Variants in SSC5D observed in about 807,000 individuals in gnomAD.
SSC5D encodes scavenger receptor cysteine rich family member with 5 domains.
A neutral mutation model predicts 104.6 loss-of-function variants in SSC5D; 106 were observed. The observed-to-expected ratio is 1.01, with a 90% CI of 0.87 to 1.19. The LOEUF is 1.19. Among genes scored for constraint, SSC5D ranks in the 50% most tolerant of loss-of-function variants. The probability of loss-of-function intolerance (pLI) is 0.00; values close to 1 mark genes in which losing one functional copy is unlikely to be tolerated. For missense variants in SSC5D, 1,993 were observed against 2,153.8 expected, an observed-to-expected ratio of 0.93 and a Z score of 1.48; for synonymous variants, 860 against 883.5, an observed-to-expected ratio of 0.97 and a Z score of 0.47.
At chr19:55,489,760 T>G in intron 3 of SSC5D, 98 bp downstream of exon 3, 1 of 1,498,366 alleles carries the variant, frequency 6.7e-7, no homozygotes, top group Non-Finnish European at 9.0e-7. Flanking sequence ...GTTCAGCAGT[T>G]CAGAGACACC....
chr19:55,515,734 A>AG (rs536589792), intron 13 of SSC5D, among the ~76,000 whole-genome samples: 1 of 149,056 alleles, frequency 6.7e-6, no homozygotes, highest in Non-Finnish European at 1.5e-5. Flanking sequence ...TCCGTCTCAA[A>AG]AAAAAAAATA....
intron 12 of SSC5D, among the ~76,000 whole-genome samples, chr19:55,510,020 CAG>C (rs1036344939): frequency 2.4e-4 from 36 of 151,322 alleles, no homozygotes; most frequent in African/African-American, 8.7e-4. Flanking sequence ...TTTTTTGTGA[CAG>C]GGTCTTGCTC....
intron 1 of SSC5D, 28 bp downstream of exon 1, chr19:55,488,642 CG>C (rs1173726993): frequency 8.5e-5 from 132 of 1,546,624 alleles, no homozygotes; most frequent in Non-Finnish European, 1.1e-4. Context: ...CTTGGGGACT[CG>C]GGGGGCCTAG....
rs556731677 is a variant in SSC5D, at chr19:55,513,354, C to T, written c.2947+182C>T. On this transcript the variant is annotated intron_variant, in intron 13 of 13. Coordinates refer to ENST00000389623, the MANE Select transcript of SSC5D (RefSeq NM_001144950.2). ...CTGTAATCACAGCACTTTGGGAGGC[C>T]GAGTTGGGAGGATTGCTTAAGCTCG... Among the ~76,000 whole-genome samples, 80 of 152,188 alleles carry T rather than the reference C, an allele frequency of 5.3e-4. 1 individual carries two copies. Among genetic ancestry groups the T allele is most frequent in the African/African-American group, 1.8e-3 (76 of 41,500 alleles).
Position 55,503,134 on chromosome 19 carries a change from TCTCA to T in SSC5D, c.2785+1936_2785+1939del, listed in dbSNP as rs966204764. Among the ~76,000 whole-genome samples the T allele has an allele frequency of 9.2e-5, 14 of 151,962 alleles. No individual in the cohort carries two copies. The highest frequency in any genetic ancestry group is 3.4e-4 in the African/African-American group (14 of 41,352). On this transcript the variant is annotated intron_variant, in intron 12 of 13. Transcript: ENST00000389623. This position sits in a 1 kb window ranked among gnomAD's most constrained non-coding sequence, Gnocchi z 4.0. Reference sequence around the variant, plus strand: ...GGCCTGATTTTTTGTCGAGATGGGTTCTCACTATGTTGCCCAGGCTGGTCTCAAA... The same window carrying T: ...GGCCTGATTTTTTGTCGAGATGGGTTCTATGTTGCCCAGGCTGGTCTCAAA...
At position 55,489,048 on chromosome 19, in the gene SSC5D, C is replaced by T. The variant is rs1456602466; in HGVS notation, c.52+16C>T. 1.4e-6 allele frequency: 2 copies of T among 1,426,838 alleles called. No homozygotes were observed. Among genetic ancestry groups the T allele is most frequent in the East Asian group, 2.9e-5 (1 of 34,194 alleles). The allele number at this position is 1,426,838 out of a possible 1,614,324, so 88.4% of individuals were successfully genotyped here. A position where few individuals can be genotyped will look rare whatever the true frequency, so the allele number is the denominator to read the frequency against. ...CAGGCTGTTGGTAAGTGCCCAGACTCCTCCCATCTGCCCGCCCCCCCCCCC... is the reference window on the plus strand; with the variant it reads ...CAGGCTGTTGGTAAGTGCCCAGACTTCTCCCATCTGCCCGCCCCCCCCCCC... On this transcript the variant is annotated intron_variant, in intron 2 of 13. Transcript: ENST00000389623.
In SSC5D at chr19:55,503,726, TC is replaced by T. The variant is rs1263883478; in HGVS notation, c.2785+2526del. 2.6e-5 allele frequency among the ~76,000 whole-genome samples: 4 copies of T among 152,190 alleles called. No homozygotes were observed. Among genetic ancestry groups the T allele is most frequent in the Admixed American group, 1.3e-4 (2 of 15,298 alleles). On this transcript the variant is annotated intron_variant, in intron 12 of 13. Coordinates refer to ENST00000389623, the MANE Select transcript of SSC5D (RefSeq NM_001144950.2). This position sits in a 1 kb window ranked among gnomAD's most constrained non-coding sequence, Gnocchi z 4.0. ...GTCTGGGGCTGCCTGGGTTTCTGCC[TC>T]TGTCGCCCCGCGCCCCGTACCTGTG...
chr19:55,489,341 C>T lies in SSC5D; in HGVS notation c.53-13C>T, dbSNP rs1987057988. Reference sequence around the variant, plus strand: ...TGCCCCTCCCCAGTCACAGCCATTCCTCCAACCCTCAGAGCGCCTGCGCCT... The same window carrying T: ...TGCCCCTCCCCAGTCACAGCCATTCTTCCAACCCTCAGAGCGCCTGCGCCT... On this transcript the variant is annotated splice_polypyrimidine_tract_variant and intron_variant, in intron 2 of 13. Transcript: ENST00000389623. The T allele has an allele frequency of 4.2e-6, 6 of 1,436,464 alleles. No homozygotes were observed. Among genetic ancestry groups the T allele is most frequent in the African/African-American group, 3.0e-5 (2 of 66,548 alleles). The allele number at this position is 1,436,464 out of a possible 1,614,324, so 89.0% of individuals were successfully genotyped here.
rs57160613 is a variant in SSC5D, at chr19:55,516,898, GC to G, written c.2948-321del. On this transcript the variant is annotated intron_variant, in intron 13 of 13. Transcript: ENST00000389623. The stretch of plus-strand genomic sequence containing the variant: ...ATGCTGCACGCTTCTGAGCACTCCC[GC>G]CCCCTCCCGCACCCCAGCACCCCAC... 1.1e-3 allele frequency among the ~76,000 whole-genome samples: 160 copies of G among 145,594 alleles called. 1 individual carries two copies. The highest frequency in any genetic ancestry group is 3.9e-3 in the African/African-American group (152 of 39,256).
intron 6 of SSC5D, among the ~76,000 whole-genome samples, chr19:55,493,026 T>TC (rs1472414710): frequency 6.6e-6 from 1 of 151,624 alleles, no homozygotes; most frequent in Non-Finnish European, 1.5e-5. Context: ...TGAGATCCCC[T>TC]CCCCCCAAAA....
Position 55,517,672 on chromosome 19 carries a change from C to T in SSC5D, c.3396C>T (p.Tyr1132=), listed in dbSNP as rs1167809925. The change falls in exon 14 of 14, where the codon TAC becomes TAT. Residue 1132 remains tyrosine (Y), a synonymous_variant. Coordinates refer to ENST00000389623, the MANE Select transcript of SSC5D (RefSeq NM_001144950.2). The part of the protein sequence containing the change: ...DTTPDLDTTP[Y]SSTVSEYSRS... ...CCCCAGATTTGGACACAACTCCATA[C>T]TCCAGTACAGTCTCAGAATATTCTA... 3.9e-6 allele frequency: 6 copies of T among 1,551,672 alleles called. No individual in the cohort carries two copies. The highest frequency in any genetic ancestry group is 2.0e-5 in the Admixed American group (1 of 50,942).
intron 12 of SSC5D, among the ~76,000 whole-genome samples, 172 bp from the exon 13 acceptor site, chr19:55,512,839 A>G (rs1284555790): frequency 1.3e-5 from 2 of 152,162 alleles, no homozygotes; most frequent in Non-Finnish European, 2.9e-5. Flanking sequence ...TTGGTAGCCA[A>G]AAACATCCCA....
chr19:55,517,538 C>T lies in SSC5D; in HGVS notation c.3262C>T (p.Pro1088Ser). The T allele has an allele frequency of 6.4e-7, 1 of 1,551,582 alleles. No individual in the cohort carries two copies. The highest frequency in any genetic ancestry group is 8.7e-7 in the Non-Finnish European group (1 of 1,147,024). Residue 1088 changes from proline (P) to serine (S), a missense_variant, in exon 14 of 14, where the codon CCC (proline) becomes TCC (serine). Pro to Ser is a moderately conservative substitution (Grantham distance 74). Around this residue, in one of 6 missense-constraint regions of SSC5D, gnomAD observed 423 missense variants for 409.2 expected, o/e 1.03. Transcript: ENST00000389623. The part of the protein sequence containing the change: ...VVPALTPEPS[P>S]TPLPTLPKEL... ...TCCCGCGTTGACCCCGGAGCCCTCA[C>T]CCACGCCCTTACCCACCTTGCCCAA...
chr19:55,502,628 T>C (rs1452545341), intron 12 of SSC5D, among the ~76,000 whole-genome samples: 1 of 152,134 alleles, frequency 6.6e-6, no homozygotes, highest in East Asian at 1.9e-4. Flanking sequence ...TCACCACCTC[T>C]GTTTCTCACT....
At position 55,501,022 on chromosome 19, in the gene SSC5D, A is replaced by G. The variant is rs1268414541; in HGVS notation, c.2618-12A>G. ...GAGGATGGGGTCAACCATTACCCCA[A>G]TTTCTCCAAAGGCTACACAGACTAT... On this transcript the variant is annotated splice_polypyrimidine_tract_variant and intron_variant, in intron 11 of 13. Transcript: ENST00000389623. 2.3e-5 allele frequency: 36 copies of G among 1,551,584 alleles called. No individual in the cohort carries two copies. The highest frequency in any genetic ancestry group is 2.9e-5 in the Non-Finnish European group (33 of 1,146,964).
At position 55,489,799 on chromosome 19, in the gene SSC5D, G is replaced by A. The variant is rs906442838; in HGVS notation, c.362-83G>A. ...CCTCCCATCCCCTCCAAAGCCAGGT[G>A]GCTAACTCCCTCTTCCAGGGACCCA... is the stretch of plus-strand genomic sequence containing the variant. On this transcript the variant is annotated intron_variant, in intron 3 of 13. Transcript: ENST00000389623. 1.3e-4 allele frequency: 191 copies of A among 1,480,130 alleles called. 1 individual carries two copies. The highest frequency in any genetic ancestry group is 1.4e-4 in the Non-Finnish European group (152 of 1,083,438). The allele number at this position is 1,480,130 out of a possible 1,614,324, so 91.7% of individuals were successfully genotyped here.
At position 55,518,139 on chromosome 19, in the gene SSC5D, A is replaced by G. The variant is rs1042217079; in HGVS notation, c.3863A>G (p.His1288Arg). Residue 1288 changes from histidine (H) to arginine (R), a missense_variant, in exon 14 of 14, where the codon CAC (histidine) becomes CGC (arginine). Transcript: ENST00000389623. ...TTTPHPTTTP[H>R]PTTTPHPTTT... ...ACCCCTCACCCCACCACGACTCCTC[A>G]CCCCACCACAACCCCTCACCCCACC... is the stretch of plus-strand genomic sequence containing the variant. The G allele has an allele frequency of 7.5e-7, 1 of 1,341,420 alleles. No homozygotes were observed. The highest frequency in any genetic ancestry group is 2.7e-5 in the Admixed American group (1 of 36,886). The allele number at this position is 1,341,420 out of a possible 1,614,324, so 83.1% of individuals were successfully genotyped here. A position where few individuals can be genotyped will look rare whatever the true frequency, so the allele number is the denominator to read the frequency against.
chr19:55,506,373 ATTTTTTTTTTTTTTTTTTTTTT>A (rs869296361), intron 12 of SSC5D, among the ~76,000 whole-genome samples: 25 of 72,064 alleles, frequency 3.5e-4, no homozygotes, highest in Middle Eastern at 0.013. Context: ...TGGAATTTGG[ATTTTTTTTTTTTTTTTTTTTTT>A]TTTTTTTTTT....
chr19:55,501,191 G>T lies in SSC5D; in HGVS notation c.2775G>T (p.Leu925=), dbSNP rs1389336917. The T allele has an allele frequency of 6.5e-7, 1 of 1,531,266 alleles. No homozygotes were observed. Among genetic ancestry groups the T allele is most frequent in the South Asian group, 1.2e-5 (1 of 81,164 alleles). 94.9% of individuals were successfully genotyped at this position (1,531,266 alleles called of 1,614,324 possible). A position where few individuals can be genotyped will look rare whatever the true frequency, so the allele number is the denominator to read the frequency against. ...GCTCCTCCCCAGCAATAAGGCGCCT[G>T]CCGGACACAGGTGAGAGGCCTGATT... ...PGSSSPAIRR[L]PDTGSKDGYK... is the part of the protein sequence containing the mutation. The change falls in exon 12 of 14, where the codon CTG becomes CTT. Residue 925 remains leucine (L), a synonymous_variant. Coordinates refer to ENST00000389623, the MANE Select transcript of SSC5D (RefSeq NM_001144950.2).
Sources: allele counts gnomAD v4.1 joint callset (sites outside exome capture counted in the v4.1 genomes callset), GRCh38; gene constraint gnomAD v4.1.1; regional missense constraint gnomAD v4.1.1; non-coding constraint Gnocchi (gnomAD v3.1); transcripts MANE v1.5; gene names NCBI Gene and HGNC (gene_info 2026-07-23, HGNC 2026-07-21).